The following CNTNAP2 variants were observed in gnomAD, a reference collection of about 807,000 sequenced individuals.
The protein encoded by CNTNAP2 is contactin associated protein 2.
A neutral mutation model predicts 155.2 loss-of-function variants in CNTNAP2; 98 were observed. The ratio of observed to expected loss-of-function variants is 0.63; its 90% CI spans 0.54 to 0.75. CNTNAP2 has a LOEUF of 0.75. Ranked by LOEUF, CNTNAP2 falls within the 30% of genes least tolerant of loss-of-function variation. CNTNAP2 has a pLI of 0.00. For synonymous variants in CNTNAP2, 651 were observed against 631.2 expected (o/e 1.03, Z -0.47); for missense variants, 1,727 against 1,688.1 (o/e 1.02, Z -0.40).
At chr7:146,175,722 C>G (rs1488373213) in intron 1 of CNTNAP2, among the ~76,000 whole-genome samples, 1 of 152,154 alleles carries the variant, frequency 6.6e-6, no homozygotes. Context: ...TCTTTATGTG[C>G]TTTTCGGTTT....
intron 1 of CNTNAP2, among the ~76,000 whole-genome samples, chr7:146,447,097 ATAT>A (rs1796413004): frequency 6.6e-6 from 1 of 152,016 alleles, no homozygotes. Flanking sequence ...AATACAGGTC[ATAT>A]TATGCTATTC....
intron 13 of CNTNAP2, among the ~76,000 whole-genome samples, chr7:147,819,986 T>C (rs1272809633): frequency 1.3e-5 from 2 of 152,182 alleles, no homozygotes; most frequent in East Asian, 1.9e-4. Context: ...TATAAATCTT[T>C]TTATAGATCT....
At position 146,702,262 on chromosome 7, in the gene CNTNAP2, G is replaced by A. The variant is rs148428962; in HGVS notation, c.98-72009G>A. Among the ~76,000 whole-genome samples, 262 of 152,136 alleles carry A rather than the reference G, an allele frequency of 1.7e-3. 7 individuals are homozygous for A. In the East Asian group the frequency reaches 0.032, roughly 19 times the overall value. On this transcript the variant is annotated intron_variant, in intron 1 of 23. Transcript: ENST00000361727. Reference sequence around the variant, plus strand: ...ATTAAGTAGTTTTATTCTATTAAACGGGTATAGAATTGTGAAATTCTTTAG... The same window carrying A: ...ATTAAGTAGTTTTATTCTATTAAACAGGTATAGAATTGTGAAATTCTTTAG...
At chr7:148,156,024 G>A (rs939003077) in intron 17 of CNTNAP2, among the ~76,000 whole-genome samples, 1 of 152,216 alleles carries the variant, frequency 6.6e-6, no homozygotes, top group Non-Finnish European at 1.5e-5. Context: ...CTATGGGAGA[G>A]ACTGAAGTTG....
intron 8 of CNTNAP2, among the ~76,000 whole-genome samples, chr7:147,145,729 A>G (rs1801688914): frequency 6.6e-6 from 1 of 152,184 alleles, no homozygotes; most frequent in South Asian, 2.1e-4. Context: ...CTTTCCCAAC[A>G]TACATATTTA....
intron 3 of CNTNAP2, among the ~76,000 whole-genome samples, chr7:146,873,179 A>G (rs1208994160): frequency 2.6e-5 from 4 of 152,204 alleles, no homozygotes; most frequent in Non-Finnish European, 5.9e-5. Flanking sequence ...TTAATGCTAT[A>G]CAAGATGTCT....
rs116169346 is a variant in CNTNAP2 at position 146,588,601 on chromosome 7, A to G, written c.98-185670A>G. Among the ~76,000 whole-genome samples, 1,495 of 151,978 alleles carry G rather than the reference A, an allele frequency of 9.8e-3. 16 individuals carry two copies. Among genetic ancestry groups the G allele is most frequent in the African/African-American group, 0.035 (1,430 of 41,448 alleles). On this transcript the variant is annotated intron_variant, in intron 1 of 23. Transcript: ENST00000361727. Reference sequence around the variant, plus strand: ...TGCTCATTGCAGTCTCGACCTCCCCAAGCTCAGGTGATCTTCGTACCTTAG... The same window carrying G: ...TGCTCATTGCAGTCTCGACCTCCCCGAGCTCAGGTGATCTTCGTACCTTAG...
At chr7:146,802,750 C>G (rs929605275) in intron 2 of CNTNAP2, among the ~76,000 whole-genome samples, 26 of 152,094 alleles carry the variant, frequency 1.7e-4, no homozygotes, top group African/African-American at 6.3e-4. Flanking sequence ...TCATAAATTA[C>G]CCAGTCATAG....
At chr7:147,325,294 G>A (rs1305085152) in intron 9 of CNTNAP2, among the ~76,000 whole-genome samples, 1 of 152,142 alleles carries the variant, frequency 6.6e-6, no homozygotes. Flanking sequence ...GACAGGGCAA[G>A]ACTCCATCTC....
intron 1 of CNTNAP2, among the ~76,000 whole-genome samples, chr7:146,135,307 G>A (rs1054310804): frequency 5.9e-5 from 9 of 151,784 alleles, no homozygotes; most frequent in East Asian, 3.9e-4. Context: ...ATGATTAGAC[G>A]AAAAAAATTC....
intron 3 of CNTNAP2, among the ~76,000 whole-genome samples, chr7:146,921,045 T>C (rs989099171): frequency 1.3e-5 from 2 of 152,206 alleles, no homozygotes; most frequent in African/African-American, 4.8e-5. Context: ...AAGAGCTACA[T>C]GTTGTATGAT....
intron 11 of CNTNAP2, among the ~76,000 whole-genome samples, chr7:147,536,816 C>T (rs1012402570): frequency 6.6e-6 from 1 of 152,156 alleles, no homozygotes; most frequent in East Asian, 1.9e-4. Context: ...GCTCATACTG[C>T]CTGATGCTAC....
At chr7:147,408,170 G>C (rs1563193370) in intron 10 of CNTNAP2, among the ~76,000 whole-genome samples, 1 of 151,708 alleles carries the variant, frequency 6.6e-6, no homozygotes, top group African/African-American at 2.4e-5. Context: ...ATCAGAAAAA[G>C]CACACACACA....
At chr7:148,251,481 G>T (rs1339843681) in intron 20 of CNTNAP2, among the ~76,000 whole-genome samples, 1 of 152,072 alleles carries the variant, frequency 6.6e-6, no homozygotes, top group Non-Finnish European at 1.5e-5. Flanking sequence ...TTTTTTAGAG[G>T]TTTCATTACA....
intron 15 of CNTNAP2, among the ~76,000 whole-genome samples, chr7:147,978,771 C>T (rs972770088): frequency 1.3e-5 from 2 of 152,068 alleles, no homozygotes; most frequent in Non-Finnish European, 2.9e-5. Flanking sequence ...GGCAACTCTC[C>T]TGAGAGTTCT....
chr7:148,056,750 G>A (rs574623448), intron 15 of CNTNAP2: 15 of 152,284 alleles, frequency 9.9e-5, no homozygotes, highest in African/African-American at 2.2e-4. Context: ...CAACTACTTC[G>A]TCTGTTGCCC....
chr7:148,411,851 ATGTGTG>A (rs148431158), intron 23 of CNTNAP2, among the ~76,000 whole-genome samples: 7 of 147,790 alleles, frequency 4.7e-5, no homozygotes, highest in Non-Finnish European at 5.9e-5. Context: ...CAACTGACAT[ATGTGTG>A]TGTGTGTGTG....
At chr7:147,740,336 A>C (rs2116484850) in intron 13 of CNTNAP2, among the ~76,000 whole-genome samples, 1 of 152,290 alleles carries the variant, frequency 6.6e-6, no homozygotes, top group Non-Finnish European at 1.5e-5. Flanking sequence ...GTCATTTTGG[A>C]ATTGGGCCCC....
At chr7:146,336,623 A>T (rs562764799) in intron 1 of CNTNAP2, among the ~76,000 whole-genome samples, 1 of 152,312 alleles carries the variant, frequency 6.6e-6, no homozygotes, top group South Asian at 2.1e-4. Context: ...ATGCACAACA[A>T]TCTGTACATG....
Sources: gnomAD v4.1 joint callset for allele counts (sites outside exome capture counted in the v4.1 genomes callset) on GRCh38, gnomAD v4.1.1 for gene constraint, MANE v1.5 for transcripts, NCBI Gene and HGNC (gene_info 2026-07-23, HGNC 2026-07-21) for gene names.